Variants in PDE3B observed in about 807,000 individuals in gnomAD.
PDE3B encodes the protein phosphodiesterase 3B, also known as cGMP-inhibited 3',5'-cyclic phosphodiesterase 3B.
In PDE3B, 66 loss-of-function variants were observed where a neutral mutation model predicts 116.8. The observed-to-expected ratio is 0.56, with a 90% CI of 0.46 to 0.69. PDE3B has a LOEUF of 0.69. Among genes scored for constraint, PDE3B ranks in the 30% least tolerant of loss-of-function variants. The pLI is 0.00. For synonymous variants in PDE3B, 595 were observed against 533.6 expected, an observed-to-expected ratio of 1.12 and a Z score of -1.59; for missense variants, 1,384 against 1,368.1, an observed-to-expected ratio of 1.01 and a Z score of -0.18.
intron 5 of PDE3B, among the ~76,000 whole-genome samples, chr11:14,809,742 G>A (rs1310597666): frequency 1.3e-5 from 2 of 152,168 alleles, no homozygotes; most frequent in African/African-American, 2.4e-5. Context: ...TCAGCCATGT[G>A]AGGATACAGT....
At chr11:14,860,374 T>C (rs1847926165) in intron 13 of PDE3B, among the ~76,000 whole-genome samples, 1 of 151,252 alleles carries the variant, frequency 6.6e-6, no homozygotes, top group Non-Finnish European at 1.5e-5. Flanking sequence ...TCTACATATA[T>C]ATTTTTTTTT....
intron 7 of PDE3B, among the ~76,000 whole-genome samples, chr11:14,824,474 CACT>C (rs1370889281): frequency 6.6e-6 from 1 of 152,118 alleles, no homozygotes; most frequent in African/African-American, 2.4e-5. Flanking sequence ...CTGAAAAACA[CACT>C]ACAAGAATTT....
intron 1 of PDE3B, among the ~76,000 whole-genome samples, chr11:14,658,489 G>A (rs1853785281): frequency 6.6e-6 from 1 of 152,054 alleles, no homozygotes; most frequent in South Asian, 2.1e-4. Context: ...CCAAGTAGCT[G>A]GGATTACAGG....
chr11:14,712,634 C>T (rs1009292947), intron 1 of PDE3B, among the ~76,000 whole-genome samples: 5 of 151,906 alleles, frequency 3.3e-5, no homozygotes, highest in Non-Finnish European at 7.4e-5. Context: ...AGCACCACAC[C>T]CAGCTAATTT....
rs143026894 is a variant in PDE3B, at chr11:14,867,662, G to A, written c.3043G>A (p.Glu1015Lys). The A allele has an allele frequency of 4.3e-3, 6,889 of 1,614,036 alleles. 18 individuals are homozygous for A. Among genetic ancestry groups the A allele is most frequent in the Non-Finnish European group, 5.0e-3 (5,946 of 1,179,950 alleles). ...AAGLLPGQWL[E>K]AEEDNDTESG... ...TGGTTTGCTACCAGGTCAGTGGTTA[G>A]AAGCAGAAGAGGATAATGATACTGA... The change falls in exon 15 of 16, where the codon GAA (glutamate) becomes AAA (lysine). Residue 1015 changes from glutamate to lysine, a missense_variant. Glu to Lys is a moderately conservative substitution (Grantham distance 56). Around this residue, in one of 2 missense-constraint regions of PDE3B, gnomAD observed 428 missense variants for 561.4 expected, o/e 0.76. Coordinates refer to ENST00000282096, the MANE Select transcript of PDE3B (RefSeq NM_000922.4).
intron 1 of PDE3B, among the ~76,000 whole-genome samples, chr11:14,715,368 G>A (rs897981022): frequency 2.6e-5 from 4 of 152,092 alleles, no homozygotes; most frequent in African/African-American, 7.2e-5. Flanking sequence ...CCATTTTCAC[G>A]ATATTGATTC....
intron 1 of PDE3B, among the ~76,000 whole-genome samples, chr11:14,726,276 A>G (rs1026181349): frequency 2.6e-5 from 4 of 151,960 alleles, no homozygotes; most frequent in African/African-American, 9.7e-5. Context: ...TTATCATCTA[A>G]TATGTTCTTG....
intron 7 of PDE3B, among the ~76,000 whole-genome samples, chr11:14,820,990 A>G (rs778412129): frequency 6.6e-6 from 1 of 152,222 alleles, no homozygotes; most frequent in South Asian, 2.1e-4. Context: ...AAAAAGAACA[A>G]TAATTTATTA....
intron 9 of PDE3B, 40 bp downstream of exon 9, chr11:14,831,817 T>G (rs1288986070): frequency 2.0e-6 from 3 of 1,499,368 alleles, no homozygotes; most frequent in East Asian, 2.3e-5. Flanking sequence ...GTAAATTAAT[T>G]TTTCTTAAAT....
chr11:14,724,637 G>T (rs1856228220), intron 1 of PDE3B, among the ~76,000 whole-genome samples: 1 of 152,160 alleles, frequency 6.6e-6, no homozygotes, highest in African/African-American at 2.4e-5. Flanking sequence ...TTTCAGATCA[G>T]GATACTCAAC....
rs1415905285 is a variant in PDE3B at position 14,871,549 on chromosome 11, T to A, written c.*1889T>A. 6.6e-6 allele frequency: 1 copy of A among 152,184 alleles called. No homozygotes were observed. The highest frequency in any genetic ancestry group is 2.4e-5 in the African/African-American group (1 of 41,472). The allele number at this position is 152,184 out of a possible 1,614,324, so 9.4% of individuals were successfully genotyped here. A position where few individuals can be genotyped will look rare whatever the true frequency, so the allele number is the denominator to read the frequency against. On this transcript the variant is annotated 3_prime_UTR_variant, in exon 16 of 16. Transcript: ENST00000282096. Reference sequence around the variant, plus strand: ...GATTGAATCACATTTCCATACTGTCTGTTATTTTATTGGGTTTTATATTGG... The same window carrying A: ...GATTGAATCACATTTCCATACTGTCAGTTATTTTATTGGGTTTTATATTGG...
At position 14,832,778 on chromosome 11, in the gene PDE3B, T is replaced by C. The variant is rs1409050186; in HGVS notation, c.2151T>C (p.Thr717=). The part of the protein sequence containing the change: ...TGLLEIFKIP[T]QQFMNYFRAL... The stretch of plus-strand genomic sequence containing the variant: ...TATTGGAAATATTTAAAATTCCCAC[T>C]CAACAATTTATGAACTATTTTCGTG... The change falls in exon 10 of 16, where the codon ACT becomes ACC. Residue 717 remains threonine, a synonymous_variant. Coordinates refer to ENST00000282096, the MANE Select transcript of PDE3B (RefSeq NM_000922.4). 6.5e-7 allele frequency: 1 copy of C among 1,540,718 alleles called. No homozygotes were observed. The highest frequency in any genetic ancestry group is 8.9e-7 in the Non-Finnish European group (1 of 1,121,024).
chr11:14,739,382 A>G lies in PDE3B; in HGVS notation c.979-32555A>G, dbSNP rs547072212. On this transcript the variant is annotated intron_variant, in intron 1 of 15. Transcript: ENST00000282096. ...TTGTAACAATTGTGAATGGCAGTTC[A>G]CTCATGATTTGGCTCTCTGTTTGCC... Among the ~76,000 whole-genome samples the G allele has an allele frequency of 5.8e-5, 8 of 136,834 alleles. No homozygotes were observed. The East Asian group carries it at 1.7e-3, about 30-fold the overall frequency. 89.8% of individuals were successfully genotyped at this position (136,834 alleles called of 152,430 possible).
In PDE3B at chr11:14,804,050, G is replaced by A; in HGVS notation, c.1522G>A (p.Gly508Ser). The A allele has an allele frequency of 1.3e-6, 2 of 1,550,556 alleles. No individual in the cohort carries two copies. Among genetic ancestry groups the A allele is most frequent in the Non-Finnish European group, 1.8e-6 (2 of 1,122,642 alleles). The change falls in exon 5 of 16, where the codon GGT (glycine) becomes AGT (serine). Residue 508 changes from glycine (G) to serine (S), a missense_variant and splice_region_variant. Physicochemically the swap from Gly to Ser is moderately conservative, Grantham distance 56. This residue lies in a region of PDE3B where 956 missense variants were observed against 806.8 expected (regional missense o/e 1.18). Coordinates refer to ENST00000282096, the MANE Select transcript of PDE3B (RefSeq NM_000922.4). ...LTHHVGLRRA[G>S]VLSSLSPVNS... ...TCACCATGTAGGTCTCAGAAGAGCTGGTAAGAAATCATTCTTTATGACTCA... is the reference window on the plus strand; with the variant it reads ...TCACCATGTAGGTCTCAGAAGAGCTAGTAAGAAATCATTCTTTATGACTCA...
At chr11:14,776,543 G>A (rs1315660210) in intron 2 of PDE3B, 1 of 152,306 alleles carries the variant, frequency 6.6e-6, no homozygotes, top group Non-Finnish European at 1.5e-5. Context: ...TAGATGACGA[G>A]TTAGTGGGTG....
At chr11:14,740,591 C>G (rs549024279) in intron 1 of PDE3B, among the ~76,000 whole-genome samples, 10 of 152,110 alleles carry the variant, frequency 6.6e-5, no homozygotes, top group Non-Finnish European at 1.5e-4. Flanking sequence ...TTTTTTGTGT[C>G]TCTATCTCCT....
At chr11:14,687,887 A>T (rs756530799) in intron 1 of PDE3B, among the ~76,000 whole-genome samples, 2 of 152,190 alleles carry the variant, frequency 1.3e-5, no homozygotes, top group African/African-American at 4.8e-5. Flanking sequence ...GAATTTGCTC[A>T]TCAACATACA....
intron 8 of PDE3B, 21 bp downstream of exon 8, chr11:14,830,867 A>G (rs769867478): frequency 3.4e-6 from 5 of 1,465,806 alleles, no homozygotes; most frequent in South Asian, 1.5e-5. Flanking sequence ...AACTTTCAAT[A>G]TGATTATGTT....
intron 1 of PDE3B, among the ~76,000 whole-genome samples, chr11:14,726,559 A>G (rs950171090): frequency 2.0e-5 from 3 of 152,206 alleles, no homozygotes; most frequent in African/African-American, 7.2e-5. Flanking sequence ...AAACCAGAAA[A>G]GGGACCCAGA....
Sources: allele counts gnomAD v4.1 joint callset (sites outside exome capture counted in the v4.1 genomes callset), GRCh38; gene constraint gnomAD v4.1.1; regional missense constraint gnomAD v4.1.1; transcripts MANE v1.5; gene names NCBI Gene and HGNC (gene_info 2026-07-23, HGNC 2026-07-21).